The following FKRP variants were observed in gnomAD, a reference collection of about 807,000 sequenced individuals.
FKRP encodes fukutin related protein.
Under a neutral mutation model 30.6 loss-of-function variants are expected in FKRP, and 25 were observed. The observed-to-expected ratio is 0.82, with a 90% confidence interval of 0.60 to 1.14. FKRP has a LOEUF of 1.14. Ranked by LOEUF, FKRP falls within the 50% of genes most tolerant of loss-of-function variation. The pLI is 0.00. For missense variants in FKRP, 771 were observed against 727.8 expected, an observed-to-expected ratio of 1.06 and a Z score of -0.68; for synonymous variants, 358 against 342.5, an observed-to-expected ratio of 1.05 and a Z score of -0.50.
Position 46,757,920 on chromosome 19 carries a change from G to A in FKRP, c.*982G>A, listed in dbSNP as rs1165315190. 1 of 167,082 alleles carries A rather than the reference G, an allele frequency of 6.0e-6. No individual in the cohort carries two copies. Among genetic ancestry groups the A allele is most frequent in the Non-Finnish European group, 1.5e-5 (1 of 68,138 alleles). The allele number at this position is 167,082 out of a possible 1,614,324, so 10.3% of individuals were successfully genotyped here. On this transcript the variant is annotated 3_prime_UTR_variant, in exon 4 of 4. Coordinates refer to ENST00000318584, the MANE Select transcript of FKRP (RefSeq NM_024301.5). ...AGACCCCGTCTCTATTTTTAAAAAA[G>A]AAAAAGAACCGACTTCTGAATCGCA...
At chr19:46,753,485 A>G (rs1258435735) in intron 3 of FKRP, among the ~76,000 whole-genome samples, 5 of 149,972 alleles carry the variant, frequency 3.3e-5, no homozygotes, top group Non-Finnish European at 5.9e-5. Context: ...GAAAAGAAAT[A>G]AGAGCAGTTT....
Position 46,755,867 on chromosome 19 carries a change from C to A in FKRP, c.417C>A (p.Gly139=). The A allele has an allele frequency of 6.7e-7, 1 of 1,489,924 alleles. No homozygotes were observed. The allele number at this position is 1,489,924 out of a possible 1,614,324, so 92.3% of individuals were successfully genotyped here. ...ATGGGGCGCGGGCTGAGGCACCTGG[C>A]CTGCTGGAGCGCATGGTGGAGGCGC... ...VPDGARAEAP[G]LLERMVEALR... The change falls in exon 4 of 4, where the codon GGC becomes GGA. Residue 139 remains glycine (G), a synonymous_variant. Coordinates refer to ENST00000318584, the MANE Select transcript of FKRP (RefSeq NM_024301.5).
rs945877846 is a variant in FKRP, at chr19:46,756,398, C to A, written c.948C>A (p.Pro316=). ...TCTACGAGGAGCGCTGGACGCCCCC[C>A]TGCTGCCTGCGCGCGCTGCGCGAGA... ...AYLYEERWTP[P]CCLRALRETA... The change falls in exon 4 of 4, where the codon CCC becomes CCA. Residue 316 remains proline (P), a synonymous_variant. Transcript: ENST00000318584. The surrounding 1 kb of genome is among the most constrained non-coding windows in gnomAD (Gnocchi z 6.6). 10 of 1,569,470 alleles carry A rather than the reference C, an allele frequency of 6.4e-6. No homozygotes were observed. In the Admixed American group the frequency reaches 1.3e-4, roughly 21 times the overall value.
rs556088906 is a variant in FKRP at position 46,754,510 on chromosome 19, G to A, written c.-39-902G>A. On this transcript the variant is annotated intron_variant, in intron 3 of 3. Coordinates refer to ENST00000318584, the MANE Select transcript of FKRP (RefSeq NM_024301.5). ...AGGTTCAAGTGATCCTCTTGCCTTGGCCTCCCAAATTGCTGAGATCACAGG... is the reference window on the plus strand; with the variant it reads ...AGGTTCAAGTGATCCTCTTGCCTTGACCTCCCAAATTGCTGAGATCACAGG... 3.4e-4 allele frequency among the ~76,000 whole-genome samples: 50 copies of A among 147,830 alleles called. No individual in the cohort carries two copies. In the East Asian group the frequency reaches 9.8e-3, roughly 29 times the overall value.
chr19:46,756,000 G>A lies in FKRP; in HGVS notation c.550G>A (p.Ala184Thr). 6.5e-7 allele frequency: 1 copy of A among 1,548,006 alleles called. No homozygotes were observed. The highest frequency in any genetic ancestry group is 8.7e-7 in the Non-Finnish European group (1 of 1,154,752). ...GCGAGAGTGGACCGCCCGCTATGGC[G>A]CAGCCCCCGCCGCGCCCCGCTGCGA... is the stretch of plus-strand genomic sequence containing the variant. ...SLREWTARYG[A>T]APAAPRCDAL... Residue 184 changes from alanine to threonine, a missense_variant, in exon 4 of 4, where the codon GCA (alanine) becomes ACA (threonine). By Grantham distance (58) the Ala-to-Thr change is moderately conservative (BLOSUM62 0). Transcript: ENST00000318584.
Position 46,756,908 on chromosome 19 carries a change from G to C in FKRP, c.1458G>C (p.Pro486=), listed in dbSNP as rs762008480. 1.2e-6 allele frequency: 2 copies of C among 1,613,002 alleles called. No individual in the cohort carries two copies. Among genetic ancestry groups the C allele is most frequent in the East Asian group, 2.2e-5 (1 of 44,870 alleles). ...TCGAGAACCCCCAGTACCCCAACCC[G>C]GCACTGCTGAGTCTGACGGGAAGCG... is the stretch of plus-strand genomic sequence containing the variant. ...GVIENPQYPN[P]ALLSLTGSG Residue 486 remains proline (P), a synonymous_variant, in exon 4 of 4, where the codon CCG becomes CCC. Transcript: ENST00000318584. The surrounding 1 kb of genome is among the most constrained non-coding windows in gnomAD (Gnocchi z 6.6).
chr19:46,754,947 A>G (rs1421781147), intron 3 of FKRP, among the ~76,000 whole-genome samples: 1 of 151,924 alleles, frequency 6.6e-6, no homozygotes, highest in Non-Finnish European at 1.5e-5. Flanking sequence ...ACCCCACTTA[A>G]AATTTTTTTT....
chr19:46,747,077 G>C (rs970137132), intron 1 of FKRP: 1 of 152,462 alleles, frequency 6.6e-6, no homozygotes, highest in Non-Finnish European at 1.5e-5. Flanking sequence ...CATTCAGGTA[G>C]AAAGGACCCC....
chr19:46,746,012 A>G (rs2122461727), upstream of FKRP: 1 of 1,076,056 alleles, frequency 9.3e-7, no homozygotes, highest in East Asian at 4.0e-5. Flanking sequence ...GCCCTCCGGG[A>G]CCGTCGCGGT....
At position 46,746,098 on chromosome 19, in the gene FKRP, C is replaced by A. The variant is rs781029124; in HGVS notation, c.-253+8C>A. On this transcript the variant is annotated splice_region_variant and intron_variant, in intron 1 of 3. Transcript: ENST00000318584. ...CGGCGGCGGCGGCAGCGGGTGAGGC[C>A]GGGCCGGGCCGGGCCGGGTTGGGGG... The A allele has an allele frequency of 3.6e-6, 5 of 1,389,276 alleles. No individual in the cohort carries two copies. Among genetic ancestry groups the A allele is most frequent in the African/African-American group, 3.1e-5 (2 of 64,228 alleles). 86.1% of individuals were successfully genotyped at this position (1,389,276 alleles called of 1,614,324 possible).
chr19:46,751,936 G>C (rs1321248001), intron 3 of FKRP, among the ~76,000 whole-genome samples: 3 of 152,256 alleles, frequency 2.0e-5, no homozygotes, highest in East Asian at 1.9e-4. Flanking sequence ...GGAGTGATGG[G>C]GGTGGGGGCC....
Position 46,756,719 on chromosome 19 carries a change from C to CT in FKRP, c.1269_1270insT (p.Asn424Ter), listed in dbSNP as rs772950604. ...TGGACCTGTGGCCCTTCTACCCCCGCAATGGCGTCATGACCAAGGACACGT... is the reference window on the plus strand; with the variant it reads ...TGGACCTGTGGCCCTTCTACCCCCGCTAATGGCGTCATGACCAAGGACACGT... On this transcript the variant is annotated frameshift_variant, in exon 4 of 4. Transcript: ENST00000318584. LOFTEE classifies it high-confidence loss of function. This position sits in a 1 kb window ranked among gnomAD's most constrained non-coding sequence, Gnocchi z 6.6. 1 of 1,611,570 alleles carries CT rather than the reference C, an allele frequency of 6.2e-7. No homozygotes were observed. Among genetic ancestry groups the CT allele is most frequent in the African/African-American group, 1.3e-5 (1 of 74,926 alleles).
chr19:46,751,161 C>G (rs2054783885), intron 3 of FKRP, among the ~76,000 whole-genome samples: 1 of 151,656 alleles, frequency 6.6e-6, no homozygotes, highest in Non-Finnish European at 1.5e-5. Flanking sequence ...TTCCCCAGCT[C>G]AAGTGATCCT....
chr19:46,756,268 G>A lies in FKRP; in HGVS notation c.818G>A (p.Gly273Asp). 1.3e-6 allele frequency: 2 copies of A among 1,505,040 alleles called. No homozygotes were observed. Among genetic ancestry groups the A allele is most frequent in the East Asian group, 2.5e-5 (1 of 40,090 alleles). The allele number at this position is 1,505,040 out of a possible 1,614,324, so 93.2% of individuals were successfully genotyped here. ...CGGGCGGCGCTGCTCCGCGCGCTGG[G>A]CATCCGCCTAGTGAGCTGGGAAGGC... Reference protein sequence around the residue: ...ARRAALLRALGIRLVSWEGGR... With the variant: ...ARRAALLRALDIRLVSWEGGR... The change falls in exon 4 of 4, where the codon GGC becomes GAC. Residue 273 changes from glycine to aspartate, a missense_variant. By Grantham distance (94) the Gly-to-Asp change is moderately conservative. Coordinates refer to ENST00000318584, the MANE Select transcript of FKRP (RefSeq NM_024301.5). This position sits in a 1 kb window ranked among gnomAD's most constrained non-coding sequence, Gnocchi z 6.6.
chr19:46,746,684 C>T (rs1430343962), intron 1 of FKRP: 2 of 152,982 alleles, frequency 1.3e-5, no homozygotes, highest in South Asian at 2.1e-4. Context: ...GCGCGACGGT[C>T]CCCCTCGCTG....
At position 46,755,396 on chromosome 19, in the gene FKRP, C is replaced by T. The variant is rs115257841; in HGVS notation, c.-39-16C>T. ...GACAATCAGCTGCTGCCTTCCCTTT[C>T]GTCCCCCTCCCCCAGGATGCCCCGG... On this transcript the variant is annotated splice_polypyrimidine_tract_variant and intron_variant, in intron 3 of 3. Transcript: ENST00000318584. The T allele has an allele frequency of 6.1e-4, 916 of 1,510,244 alleles. 8 individuals carry two copies. The African/African-American group carries it at 0.011, about 18-fold the overall frequency. 93.6% of individuals were successfully genotyped at this position (1,510,244 alleles called of 1,614,324 possible). A position where few individuals can be genotyped will look rare whatever the true frequency, so the allele number is the denominator to read the frequency against.
At chr19:46,746,503 C>CG (rs980546987) in intron 1 of FKRP, 5 of 821,836 alleles carry the variant, frequency 6.1e-6, no homozygotes, top group African/African-American at 2.0e-5. Context: ...ACCCCCCCCC[C>CG]TCCCCCGCCG....
At chr19:46,746,458 C>A in intron 1 of FKRP, 1 of 991,154 alleles carries the variant, frequency 1.0e-6, no homozygotes, top group South Asian at 4.7e-5. Flanking sequence ...CCTGCGCGCC[C>A]GCTGTGCCTC....
At chr19:46,753,443 G>C (rs1195253333) in intron 3 of FKRP, among the ~76,000 whole-genome samples, 1 of 147,498 alleles carries the variant, frequency 6.8e-6, no homozygotes, top group Non-Finnish European at 1.5e-5. Context: ...GGGCAACAGA[G>C]GGAGACTCCA....
Sources: gnomAD v4.1 joint callset for allele counts (sites outside exome capture counted in the v4.1 genomes callset) on GRCh38, gnomAD v4.1.1 for gene constraint, Gnocchi (gnomAD v3.1) non-coding constraint, MANE v1.5 for transcripts, NCBI Gene and HGNC (gene_info 2026-07-23, HGNC 2026-07-21) for gene names.